FHIT: variants seen among roughly 807,000 people sequenced by gnomAD.
The protein encoded by FHIT is bis(5'-adenosyl)-triphosphatase.
In FHIT, 19 loss-of-function variants were observed where a neutral mutation model predicts 17.9. The observed-to-expected ratio is 1.06, with a 90% CI of 0.74 to 1.56. The LOEUF is 1.56. FHIT is among the 40% of genes most tolerant of loss of function. The pLI is 0.00. For synonymous variants in FHIT, 81 were observed against 69.7 expected, an observed-to-expected ratio of 1.16 and a Z score of -0.81; for missense variants, 248 against 189.2, an observed-to-expected ratio of 1.31 and a Z score of -1.82.
rs1559524371 is a variant in FHIT at position 59,986,740 on chromosome 3, ATATATTT to A, written c.279+24624_279+24630del. ...TACATATATTTATATAAATATATAC[ATATATTT>A]ATATATATATAAATATATTTATATA... On this transcript the variant is annotated intron_variant, in intron 7 of 9. Transcript: ENST00000492590. 3.2e-3 allele frequency among the ~76,000 whole-genome samples: 19 copies of A among 5,948 alleles called. 2 individuals are homozygous for A. Among genetic ancestry groups the A allele is most frequent in the African/African-American group, 9.1e-3 (18 of 1,986 alleles). 3.9% of individuals were successfully genotyped at this position (5,948 alleles called of 152,430 possible). A position where few individuals can be genotyped will look rare whatever the true frequency, so the allele number is the denominator to read the frequency against.
chr3:60,973,196 G>A (rs1380223122), intron 3 of FHIT, among the ~76,000 whole-genome samples: 2 of 152,068 alleles, frequency 1.3e-5, no homozygotes, highest in East Asian at 1.9e-4. Context: ...ATTTTCTTCT[G>A]GCAGGCAGAT....
chr3:60,819,340 A>T (rs1290108176), intron 4 of FHIT, among the ~76,000 whole-genome samples: 1 of 152,310 alleles, frequency 6.6e-6, no homozygotes, highest in South Asian at 2.1e-4. Context: ...GTTAAATGAT[A>T]GAATGATAGA....
At chr3:60,997,303 C>A (rs931363264) in intron 3 of FHIT, among the ~76,000 whole-genome samples, 1 of 152,118 alleles carries the variant, frequency 6.6e-6, no homozygotes, top group Non-Finnish European at 1.5e-5. Context: ...CAGGCTGCAA[C>A]AGAGAAAGGT....
At chr3:60,393,671 T>C (rs938472799) in intron 5 of FHIT, among the ~76,000 whole-genome samples, 3 of 152,114 alleles carry the variant, frequency 2.0e-5, no homozygotes, top group Non-Finnish European at 4.4e-5. Context: ...CCTACGTTTT[T>C]TTTATTTAAA....
chr3:60,641,170 A>C (rs575867348), intron 4 of FHIT, among the ~76,000 whole-genome samples: 22 of 152,228 alleles, frequency 1.4e-4, no homozygotes, highest in Non-Finnish European at 2.2e-4. Context: ...ACAGGAGTGA[A>C]ACTCTGTCTC....
At chr3:60,082,181 T>G (rs528613080) in intron 5 of FHIT, among the ~76,000 whole-genome samples, 1 of 152,114 alleles carries the variant, frequency 6.6e-6, no homozygotes, top group East Asian at 1.9e-4. Context: ...ATGTGTACCA[T>G]GTTTGTCTGT....
intron 4 of FHIT, among the ~76,000 whole-genome samples, chr3:60,562,034 G>C (rs990115803): frequency 6.6e-6 from 1 of 151,996 alleles, no homozygotes; most frequent in South Asian, 2.1e-4. Flanking sequence ...GTTATTACCC[G>C]AAAACATGCT....
At chr3:60,085,371 A>G (rs1703452785) in intron 5 of FHIT, among the ~76,000 whole-genome samples, 1 of 152,106 alleles carries the variant, frequency 6.6e-6, no homozygotes, top group South Asian at 2.1e-4. Flanking sequence ...TCCATATGAC[A>G]TCATTCTACA....
intron 5 of FHIT, among the ~76,000 whole-genome samples, chr3:60,385,858 G>T (rs1387881737): frequency 6.6e-6 from 1 of 152,128 alleles, no homozygotes; most frequent in Non-Finnish European, 1.5e-5. Flanking sequence ...AATGACATAT[G>T]TGAGCCACTG....
chr3:60,281,989 A>C (rs920157346), intron 5 of FHIT, among the ~76,000 whole-genome samples: 1 of 152,208 alleles, frequency 6.6e-6, no homozygotes, highest in Non-Finnish European at 1.5e-5. Context: ...AGCTAAATCC[A>C]TAAGACTGAT....
chr3:60,529,317 A>C (rs950624162), intron 5 of FHIT, among the ~76,000 whole-genome samples: 16 of 152,320 alleles, frequency 1.1e-4, no homozygotes, highest in Admixed American at 2.0e-4. Flanking sequence ...AGGAACATAC[A>C]TAAGACTATT....
At chr3:59,780,877 C>G (rs1032338214) in intron 8 of FHIT, among the ~76,000 whole-genome samples, 1 of 152,126 alleles carries the variant, frequency 6.6e-6, no homozygotes, top group African/African-American at 2.4e-5. Context: ...ACACAGATAC[C>G]TCAAGATGGC....
intron 5 of FHIT, among the ~76,000 whole-genome samples, chr3:60,417,519 G>C (rs1207421605): frequency 2.0e-5 from 3 of 151,982 alleles, no homozygotes; most frequent in Non-Finnish European, 4.4e-5. Context: ...TGAGAAAAGA[G>C]GCAAAGAAAA....
intron 2 of FHIT, chr3:61,166,944 A>G (rs527296200): frequency 6.6e-6 from 1 of 152,248 alleles, no homozygotes; most frequent in Non-Finnish European, 1.5e-5. Context: ...CAAAGCCTCA[A>G]CAGGTAAAAT....
chr3:59,813,171 G>C (rs1029971369), intron 8 of FHIT, among the ~76,000 whole-genome samples: 1 of 152,120 alleles, frequency 6.6e-6, no homozygotes, highest in African/African-American at 2.4e-5. Flanking sequence ...GAAATGTTTA[G>C]TTGGTAATTG....
At chr3:59,951,006 A>T (rs945216884) in intron 7 of FHIT, among the ~76,000 whole-genome samples, 4 of 152,222 alleles carry the variant, frequency 2.6e-5, no homozygotes, top group African/African-American at 9.6e-5. Context: ...TGGCAGCAGG[A>T]GCCCTTGCTA....
chr3:60,794,668 T>C (rs1700912948), intron 4 of FHIT, among the ~76,000 whole-genome samples: 1 of 152,218 alleles, frequency 6.6e-6, no homozygotes. Flanking sequence ...TAAGGACCTC[T>C]TTTGATGGGG....
intron 4 of FHIT, among the ~76,000 whole-genome samples, chr3:60,588,823 G>A (rs1223324295): frequency 6.6e-6 from 1 of 151,910 alleles, no homozygotes; most frequent in Non-Finnish European, 1.5e-5. Context: ...CCTGGTGATT[G>A]TAATTTACAC....
At chr3:60,100,031 A>G (rs1215112609) in intron 5 of FHIT, among the ~76,000 whole-genome samples, 1 of 152,206 alleles carries the variant, frequency 6.6e-6, no homozygotes, top group East Asian at 1.9e-4. Context: ...ACAGTAGCAC[A>G]CTGGAACCCC....
Sources: allele counts gnomAD v4.1 joint callset (sites outside exome capture counted in the v4.1 genomes callset), GRCh38; gene constraint gnomAD v4.1.1; transcripts MANE v1.5; gene names NCBI Gene and HGNC (gene_info 2026-07-23, HGNC 2026-07-21).